GRID2: variants seen among roughly 807,000 people sequenced by gnomAD.
GRID2 encodes the protein glutamate ionotropic receptor delta type subunit 2.
Under a neutral mutation model 114.8 loss-of-function variants are expected in GRID2, and 33 were observed. That is an observed-to-expected ratio of 0.29 (90% CI 0.22 to 0.38). The LOEUF (loss-of-function observed/expected upper bound fraction) is 0.38, where lower values mean the gene tolerates loss of function less well. GRID2 is among the 10% of genes least tolerant of loss of function. GRID2 has a pLI of 1.00. For missense variants in GRID2, 1,184 were observed against 1,257.7 expected, an observed-to-expected ratio of 0.94 and a Z score of 0.89; for synonymous variants, 505 against 449.9, an observed-to-expected ratio of 1.12 and a Z score of -1.55.
intron 2 of GRID2, among the ~76,000 whole-genome samples, chr4:92,811,671 A>G (rs781073754): frequency 2.7e-4 from 41 of 152,164 alleles, no homozygotes; most frequent in Admixed American, 1.1e-3. Flanking sequence ...TTTTTTCTTC[A>G]GGAACTTATG....
At chr4:93,695,352 G>A (rs1036822187) in intron 14 of GRID2, among the ~76,000 whole-genome samples, 1 of 152,082 alleles carries the variant, frequency 6.6e-6, no homozygotes, top group Non-Finnish European at 1.5e-5. Context: ...CAATCGAAAT[G>A]CATTAAATCA....
intron 1 of GRID2, among the ~76,000 whole-genome samples, chr4:92,495,579 G>A (rs1723347639): frequency 6.6e-6 from 1 of 151,910 alleles, no homozygotes. Context: ...TAACAGAAAT[G>A]TAGGCAAGAT....
At chr4:93,050,904 G>C (rs924034240) in intron 2 of GRID2, among the ~76,000 whole-genome samples, 2 of 151,900 alleles carry the variant, frequency 1.3e-5, no homozygotes, top group African/African-American at 4.8e-5. Context: ...CATTTTAATT[G>C]TATTTTCTCC....
At chr4:93,460,917 G>T (rs972070957) in intron 11 of GRID2, among the ~76,000 whole-genome samples, 3 of 152,082 alleles carry the variant, frequency 2.0e-5, no homozygotes, top group Non-Finnish European at 2.9e-5. Context: ...GCATCCTCTT[G>T]GTTGAAGCCT....
chr4:93,589,158 G>A (rs533527454), intron 13 of GRID2, among the ~76,000 whole-genome samples: 1 of 150,914 alleles, frequency 6.6e-6, no homozygotes, highest in Non-Finnish European at 1.5e-5. Context: ...GCACTAACTC[G>A]TCATCTAGCA....
At chr4:93,174,249 A>G (rs1341474169) in intron 4 of GRID2, among the ~76,000 whole-genome samples, 1 of 152,178 alleles carries the variant, frequency 6.6e-6, no homozygotes, top group Non-Finnish European at 1.5e-5. Flanking sequence ...CCTTTGTGCT[A>G]TTATGATCTC....
intron 2 of GRID2, among the ~76,000 whole-genome samples, chr4:92,630,431 C>G (rs761725779): frequency 1.3e-5 from 2 of 152,118 alleles, no homozygotes; most frequent in Non-Finnish European, 2.9e-5. Flanking sequence ...CCCACGAAAA[C>G]CTTCTCACTC....
intron 8 of GRID2, among the ~76,000 whole-genome samples, chr4:93,274,986 T>C (rs1751888260): frequency 6.6e-6 from 1 of 151,986 alleles, no homozygotes; most frequent in Admixed American, 6.6e-5. Context: ...TCCACAAAGT[T>C]ATTCAACCCT....
At chr4:93,280,486 A>G (rs907336116) in intron 8 of GRID2, among the ~76,000 whole-genome samples, 1 of 152,046 alleles carries the variant, frequency 6.6e-6, no homozygotes, top group African/African-American at 2.4e-5. Flanking sequence ...AGAAAGATAA[A>G]TGGTGAATTT....
chr4:93,651,183 A>G lies in GRID2; in HGVS notation c.2360+24748A>G, dbSNP rs146052418. Among the ~76,000 whole-genome samples, 1,068 of 152,264 alleles carry G rather than the reference A, an allele frequency of 7.0e-3. 8 individuals are homozygous for G. Among genetic ancestry groups the G allele is most frequent in the Non-Finnish European group, 0.011 (720 of 68,014 alleles). ...TTCAGAGTTTCTCATATCTTTTGTC[A>G]ACATTGAAAATCCATCTTATCCCTC... On this transcript the variant is annotated intron_variant, in intron 14 of 15. Coordinates refer to ENST00000282020, the MANE Select transcript of GRID2 (RefSeq NM_001510.4).
In GRID2 at chr4:93,595,467, T is replaced by C. The variant is rs558597884; in HGVS notation, c.2194-30802T>C. On this transcript the variant is annotated intron_variant, in intron 13 of 15. Transcript: ENST00000282020. ...TTGATCCCCTCTAATCTTCACTCAG[T>C]CCCAATATTTGTAAAATGGGAATAA... Among the ~76,000 whole-genome samples, 37 of 152,264 alleles carry C rather than the reference T, an allele frequency of 2.4e-4. 1 individual carries two copies. The South Asian group carries it at 7.3e-3, about 30-fold the overall frequency.
intron 2 of GRID2, among the ~76,000 whole-genome samples, chr4:92,958,826 A>T (rs1193852069): frequency 6.6e-6 from 1 of 151,934 alleles, no homozygotes; most frequent in African/African-American, 2.4e-5. Context: ...AAAGTTATTC[A>T]TTTTTGATTC....
chr4:92,447,337 A>G (rs917466309), intron 1 of GRID2, among the ~76,000 whole-genome samples: 6 of 152,180 alleles, frequency 3.9e-5, no homozygotes, highest in Admixed American at 1.3e-4. Context: ...AGAAATGGCT[A>G]TGGTAACACC....
chr4:92,426,428 A>G (rs1203579671), intron 1 of GRID2, among the ~76,000 whole-genome samples: 1 of 152,160 alleles, frequency 6.6e-6, no homozygotes, highest in Non-Finnish European at 1.5e-5. Context: ...GGGAATAACC[A>G]ATAATTGTAG....
At chr4:93,388,672 C>T (rs1764561835) in intron 8 of GRID2, among the ~76,000 whole-genome samples, 1 of 152,158 alleles carries the variant, frequency 6.6e-6, no homozygotes, top group Non-Finnish European at 1.5e-5. Flanking sequence ...TATGGAAAGA[C>T]TTTAAGCAGA....
At chr4:93,030,794 GA>G (rs892466550) in intron 2 of GRID2, among the ~76,000 whole-genome samples, 1 of 151,940 alleles carries the variant, frequency 6.6e-6, no homozygotes, top group African/African-American at 2.4e-5. Context: ...CAAGGAGAGG[GA>G]GAGGAATGGA....
Position 92,842,509 on chromosome 4 carries a change from G to T in GRID2, c.245-242486G>T, listed in dbSNP as rs149425217. Among the ~76,000 whole-genome samples, 577 of 152,190 alleles carry T rather than the reference G, an allele frequency of 3.8e-3. 2 individuals carry two copies. Among genetic ancestry groups the T allele is most frequent in the African/African-American group, 0.013 (558 of 41,534 alleles). ...ATATTTTGTGTTATTCTATTATTTA[G>T]AAATGTTTCTAAAATTTGGGAAGAT... On this transcript the variant is annotated intron_variant, in intron 2 of 15. Coordinates refer to ENST00000282020, the MANE Select transcript of GRID2 (RefSeq NM_001510.4).
chr4:93,201,780 C>A (rs1742133979), intron 4 of GRID2, among the ~76,000 whole-genome samples: 1 of 152,132 alleles, frequency 6.6e-6, no homozygotes, highest in Non-Finnish European at 1.5e-5. Context: ...ATATTTAGCA[C>A]ATCTAAAGAT....
At chr4:93,771,281 T>C (rs931442558) in intron 15 of GRID2, among the ~76,000 whole-genome samples, 4 of 152,234 alleles carry the variant, frequency 2.6e-5, no homozygotes, top group African/African-American at 9.6e-5. Flanking sequence ...ATTTTACTTA[T>C]ATTTTTGTTT....
Sources: allele counts gnomAD v4.1 joint callset (sites outside exome capture counted in the v4.1 genomes callset), GRCh38; gene constraint gnomAD v4.1.1; transcripts MANE v1.5; gene names NCBI Gene and HGNC (gene_info 2026-07-23, HGNC 2026-07-21).